The following TVP23C variants were observed in gnomAD, a reference collection of about 807,000 sequenced individuals.
TVP23C encodes trans-golgi network vesicle protein 23 homolog C, also known as Golgi apparatus membrane protein TVP23 homolog C.
A neutral mutation model predicts 28.7 loss-of-function variants in TVP23C; 19 were observed. The ratio of observed to expected loss-of-function variants is 0.66; its 90% CI spans 0.46 to 0.97. TVP23C has a LOEUF of 0.97. Among genes scored for constraint, TVP23C ranks in the 50% least tolerant of loss-of-function variants. TVP23C has a pLI of 0.00. For missense variants in TVP23C, 186 were observed against 241.3 expected (o/e 0.77, Z 1.52); for synonymous variants, 68 against 81.7 (o/e 0.83, Z 0.90).
intron 5 of TVP23C, among the ~76,000 whole-genome samples, chr17:15,510,632 T>C (rs966894650): frequency 1.3e-5 from 2 of 152,238 alleles, no homozygotes; most frequent in African/African-American, 2.4e-5. Flanking sequence ...TGATTACCCA[T>C]ATTAAATGAG....
intron 1 of TVP23C, among the ~76,000 whole-genome samples, chr17:15,561,962 C>T (rs1416128997): frequency 6.6e-6 from 1 of 152,174 alleles, no homozygotes; most frequent in Non-Finnish European, 1.5e-5. Context: ...TGGTCGTCCT[C>T]ACTACTAGAC....
In TVP23C at chr17:15,523,257, G is replaced by A. The variant is rs369490083; in HGVS notation, c.463-20025C>T. Among the ~76,000 whole-genome samples, 142 of 151,172 alleles carry A rather than the reference G, an allele frequency of 9.4e-4. 2 individuals are homozygous for A. The East Asian group carries it at 0.022, about 24-fold the overall frequency. On this transcript the variant is annotated intron_variant, in intron 5 of 5. Coordinates refer to the TVP23C transcript ENST00000225576. ...TGAGCTCAGGCAGTCCACCCACCTC[G>A]GCCTCCCAAAGTTCTAGGATTACAG... is the stretch of plus-strand genomic sequence containing the variant.
chr17:15,529,756 G>A (rs1156243306), intron 5 of TVP23C, among the ~76,000 whole-genome samples: 2 of 152,098 alleles, frequency 1.3e-5, no homozygotes, highest in South Asian at 2.1e-4. Context: ...TGTGCCTCTT[G>A]TAGACAACAT....
At position 15,508,246 on chromosome 17, in the gene TVP23C, C is replaced by T. The variant is rs183539138; in HGVS notation, c.463-5014G>A. Among the ~76,000 whole-genome samples the T allele has an allele frequency of 2.3e-3, 346 of 152,302 alleles. 2 individuals are homozygous for T. The highest frequency in any genetic ancestry group is 8.1e-3 in the African/African-American group (337 of 41,568). ...ATGACCTCCACCTGACCCTGGTGTA[C>T]TCTGATTCTCTTGCCCACCTCCCTC... On this transcript the variant is annotated intron_variant, in intron 5 of 5. Transcript: ENST00000225576.
chr17:15,526,458 T>C (rs553396354), intron 5 of TVP23C, among the ~76,000 whole-genome samples: 6 of 152,336 alleles, frequency 3.9e-5, no homozygotes, highest in Non-Finnish European at 8.8e-5. Flanking sequence ...ATAGCACTCA[T>C]AGTTCTTCTT....
intron 5 of TVP23C, among the ~76,000 whole-genome samples, chr17:15,510,647 T>C (rs977604180): frequency 2.6e-5 from 4 of 152,088 alleles, no homozygotes; most frequent in Non-Finnish European, 4.4e-5. Context: ...AATGAGACAA[T>C]AGGATAATAA....
At chr17:15,506,607 T>C (rs566415203) in intron 5 of TVP23C, among the ~76,000 whole-genome samples, 1 of 152,194 alleles carries the variant, frequency 6.6e-6, no homozygotes. Context: ...CTCTTTGCAG[T>C]AAATCTTGCT....
Position 15,538,615 on chromosome 17 carries a change from T to G in TVP23C, c.*1797A>C. The stretch of plus-strand genomic sequence containing the variant: ...CAAAAAAAATAAATAAATAAAAAAG[T>G]AGACATGCGCTAATGAAGTAAATCC... On this transcript the variant is annotated 3_prime_UTR_variant, in exon 6 of 6. Coordinates refer to ENST00000518321, the MANE Select transcript of TVP23C (RefSeq NM_001135036.2). 1 of 984,904 alleles carries G rather than the reference T, an allele frequency of 1.0e-6. No individual in the cohort carries two copies. Among genetic ancestry groups the G allele is most frequent in the Non-Finnish European group, 1.2e-6 (1 of 829,604 alleles). 61.0% of individuals were successfully genotyped at this position (984,904 alleles called of 1,614,324 possible). A position where few individuals can be genotyped will look rare whatever the true frequency, so the allele number is the denominator to read the frequency against.
At chr17:15,502,718 TCC>T in exon 6 of TVP23C, 1 of 1,230,216 alleles carries the variant, frequency 8.1e-7, no homozygotes, top group Non-Finnish European at 1.1e-6. Context: ...TTTCTCTCTC[TCC>T]TCTCTCTCTC....
intron 1 of TVP23C, among the ~76,000 whole-genome samples, chr17:15,559,867 T>A (rs1171541458): frequency 1.3e-5 from 2 of 148,666 alleles, no homozygotes; most frequent in Non-Finnish European, 3.0e-5. Flanking sequence ...ACTCCTGGCA[T>A]TCCAATAATT....
In TVP23C at chr17:15,560,435, A is replaced by G. The variant is rs891388702; in HGVS notation, c.12+3002T>C. Among the ~76,000 whole-genome samples the G allele has an allele frequency of 2.7e-5, 4 of 149,656 alleles. 1 individual carries two copies. The highest frequency in any genetic ancestry group is 2.0e-4 in the Admixed American group (3 of 14,804). ...GTTCCAGTACAGTTGGGAGAGGGGAAGAGAGACTGACTAGAATGAATACAA... is the reference window on the plus strand; with the variant it reads ...GTTCCAGTACAGTTGGGAGAGGGGAGGAGAGACTGACTAGAATGAATACAA... On this transcript the variant is annotated intron_variant, in intron 1 of 5. Coordinates refer to ENST00000518321, the MANE Select transcript of TVP23C (RefSeq NM_001135036.2).
At chr17:15,542,847 T>G (rs372174884) in intron 5 of TVP23C, among the ~76,000 whole-genome samples, 1,537 of 152,054 alleles carry the variant, frequency 0.01, 7 homozygotes, top group Non-Finnish European at 0.015. Context: ...CCTTGGTGAT[T>G]ACCTTGAGCA....
intron 5 of TVP23C, among the ~76,000 whole-genome samples, chr17:15,524,067 T>G (rs1325639533): frequency 2.4e-5 from 2 of 82,758 alleles, no homozygotes; most frequent in South Asian, 4.8e-4. Flanking sequence ...GAGTGGGGTG[T>G]GTGTGTGTGT....
intron 3 of TVP23C, among the ~76,000 whole-genome samples, chr17:15,547,650 A>G (rs1290470346): frequency 1.3e-5 from 2 of 152,168 alleles, no homozygotes; most frequent in Non-Finnish European, 2.9e-5. Flanking sequence ...ATATTTACTG[A>G]GCATCTACTA....
chr17:15,511,852 T>C (rs1206417899), intron 5 of TVP23C, among the ~76,000 whole-genome samples: 1 of 152,256 alleles, frequency 6.6e-6, no homozygotes, highest in African/African-American at 2.4e-5. Flanking sequence ...ATATCTAATA[T>C]GTAAAATTAA....
At chr17:15,504,458 G>A (rs921421365) in intron 5 of TVP23C, among the ~76,000 whole-genome samples, 10 of 152,186 alleles carry the variant, frequency 6.6e-5, no homozygotes, top group African/African-American at 2.2e-4. Flanking sequence ...TGGAAGAGAA[G>A]AGCTGCGCTT....
Position 15,502,810 on chromosome 17 carries a change from CTCTCTCTCTCTCTCTCTCT to C in TVP23C, c.*35_*53del. On this transcript the variant is annotated 3_prime_UTR_variant, in exon 6 of 6. Transcript: ENST00000225576. Reference sequence around the variant, plus strand: ...CCCTCTCTCCTCTCTCCTCTCTCTCCTCTCTCTCTCTCTCTCTCTCTCCTGCGAGGAGCTTCAGATTTGT... The same window carrying C: ...CCCTCTCTCCTCTCTCCTCTCTCTCCCTCCTGCGAGGAGCTTCAGATTTGT... 2.3e-5 allele frequency: 3 copies of C among 132,178 alleles called. No individual in the cohort carries two copies. The South Asian group carries it at 4.9e-4, about 22-fold the overall frequency. The allele number at this position is 132,178 out of a possible 1,614,324, so 8.2% of individuals were successfully genotyped here. A position where few individuals can be genotyped will look rare whatever the true frequency, so the allele number is the denominator to read the frequency against.
chr17:15,510,312 T>C (rs1331001925), intron 5 of TVP23C, among the ~76,000 whole-genome samples: 1 of 152,016 alleles, frequency 6.6e-6, no homozygotes, highest in Non-Finnish European at 1.5e-5. Flanking sequence ...AACAACCACA[T>C]AAAAAGTGGG....
chr17:15,523,915 CA>C (rs1441826886), intron 5 of TVP23C, among the ~76,000 whole-genome samples: 4 of 152,174 alleles, frequency 2.6e-5, no homozygotes, highest in African/African-American at 9.7e-5. Context: ...GCCCAGCCGC[CA>C]GAAGATATTT....
Sources: gnomAD v4.1 joint callset for allele counts (sites outside exome capture counted in the v4.1 genomes callset) on GRCh38, gnomAD v4.1.1 for gene constraint, MANE v1.5 for transcripts, NCBI Gene and HGNC (gene_info 2026-07-23, HGNC 2026-07-21) for gene names.